CSMD3: variants seen among roughly 807,000 people sequenced by gnomAD.
CSMD3 encodes CUB and Sushi multiple domains 3.
Under a neutral mutation model 435.2 loss-of-function variants are expected in CSMD3, and 177 were observed. The ratio of observed to expected loss-of-function variants is 0.41; its 90% CI spans 0.36 to 0.46. The LOEUF is 0.46. Among genes scored for constraint, CSMD3 ranks in the 20% least tolerant of loss-of-function variants. The pLI is 0.34. For synonymous variants in CSMD3, 1,656 were observed against 1,520.5 expected (o/e 1.09, Z -2.07); for missense variants, 4,265 against 4,504.6 (o/e 0.95, Z 1.52).
intron 4 of CSMD3, among the ~76,000 whole-genome samples, chr8:113,110,237 T>C (rs1057443218): frequency 5.3e-5 from 8 of 152,204 alleles, no homozygotes; most frequent in Non-Finnish European, 1.2e-4. Flanking sequence ...ATATGGACAG[T>C]TATACAATTT....
At chr8:112,363,779 T>G (rs1483929257) in intron 38 of CSMD3, among the ~76,000 whole-genome samples, 3 of 152,034 alleles carry the variant, frequency 2.0e-5, no homozygotes, top group East Asian at 3.9e-4. Flanking sequence ...GGTTAAGAAG[T>G]GCAATGTGTT....
intron 1 of CSMD3, among the ~76,000 whole-genome samples, chr8:113,339,397 G>C (rs548778218): frequency 6.6e-6 from 1 of 151,990 alleles, no homozygotes; most frequent in Non-Finnish European, 1.5e-5. Flanking sequence ...CTGCCAAATG[G>C]ATGTTTTTGA....
At chr8:112,585,112 G>A (rs1482771042) in intron 23 of CSMD3, among the ~76,000 whole-genome samples, 1 of 151,496 alleles carries the variant, frequency 6.6e-6, no homozygotes, top group African/African-American at 2.4e-5. Flanking sequence ...CCATGAAGAA[G>A]ACAAATAAGG....
intron 52 of CSMD3, among the ~76,000 whole-genome samples, chr8:112,304,066 A>G (rs1261468167): frequency 1.3e-5 from 2 of 152,154 alleles, no homozygotes; most frequent in East Asian, 1.9e-4. Flanking sequence ...GGCCATTTAT[A>G]TTATAAAAAT....
intron 32 of CSMD3, among the ~76,000 whole-genome samples, chr8:112,462,539 C>T (rs548340948): frequency 3.3e-5 from 5 of 152,148 alleles, no homozygotes; most frequent in East Asian, 1.9e-4. Context: ...TGAATCTAAT[C>T]GATTATTTGA....
At position 113,205,478 on chromosome 8, in the gene CSMD3, T is replaced by C. The variant is rs542099490; in HGVS notation, c.515-31562A>G. 4.6e-5 allele frequency among the ~76,000 whole-genome samples: 7 copies of C among 152,252 alleles called. No individual in the cohort carries two copies. In the South Asian group the frequency reaches 1.2e-3, roughly 27 times the overall value. On this transcript the variant is annotated intron_variant, in intron 3 of 70. Transcript: ENST00000297405. The stretch of plus-strand genomic sequence containing the variant: ...ATACAGATTTGTAGACTAGGAGCAA[T>C]AGGCTATATCATACAGCCTAGGTGT...
chr8:112,879,760 C>G, intron 10 of CSMD3, among the ~76,000 whole-genome samples: 1 of 151,998 alleles, frequency 6.6e-6, no homozygotes, highest in Non-Finnish European at 1.5e-5. Flanking sequence ...TGCTGGTTCC[C>G]CTGAGAGCTG....
chr8:113,185,129 C>G (rs1483276426), intron 3 of CSMD3, among the ~76,000 whole-genome samples: 1 of 152,046 alleles, frequency 6.6e-6, no homozygotes, highest in East Asian at 1.9e-4. Context: ...AGGCTGCATT[C>G]ACTGTTAACT....
intron 9 of CSMD3, among the ~76,000 whole-genome samples, chr8:112,932,474 C>T (rs557595686): frequency 1.9e-4 from 29 of 152,110 alleles, no homozygotes; most frequent in Admixed American, 3.3e-4. Flanking sequence ...TCTCAGTCTC[C>T]TGACCTCATG....
chr8:112,656,594 T>C (rs975298000), intron 17 of CSMD3, among the ~76,000 whole-genome samples: 1 of 152,148 alleles, frequency 6.6e-6, no homozygotes, highest in Non-Finnish European at 1.5e-5. Context: ...TCAAATATTA[T>C]AAATTATCTT....
At position 112,636,980 on chromosome 8, in the gene CSMD3, A is replaced by T. The variant is rs2131582021; in HGVS notation, c.3552T>A (p.Asp1184Glu). 1 of 1,613,772 alleles carries T rather than the reference A, an allele frequency of 6.2e-7. No homozygotes were observed. Among genetic ancestry groups the T allele is most frequent in the Non-Finnish European group, 8.5e-7 (1 of 1,179,776 alleles). The change falls in exon 22 of 71, where the codon GAT becomes GAA. Residue 1184 changes from aspartate (D) to glutamate (E), a missense_variant. Physicochemically the swap from Asp to Glu is conservative, Grantham distance 45 (BLOSUM62 2). Coordinates refer to ENST00000297405, the MANE Select transcript of CSMD3 (RefSeq NM_198123.2). ...GACTACCATATTGAGGAATGCCAGG[A>T]TCTTCACAAGGTTCAAGGTTATATT... ...FSEYNLEPCE[D>E]PGIPQYGSRI...
chr8:112,552,388 A>C (rs1329781875), intron 26 of CSMD3, among the ~76,000 whole-genome samples: 2 of 152,028 alleles, frequency 1.3e-5, no homozygotes, highest in Non-Finnish European at 2.9e-5. Context: ...GGGGAGGCTG[A>C]GGTGGGAAGA....
At chr8:113,024,819 C>A (rs1278141516) in intron 5 of CSMD3, among the ~76,000 whole-genome samples, 1 of 152,084 alleles carries the variant, frequency 6.6e-6, no homozygotes, top group Non-Finnish European at 1.5e-5. Flanking sequence ...TTTAGTGTAT[C>A]CATCACTGGA....
intron 1 of CSMD3, among the ~76,000 whole-genome samples, chr8:113,388,192 C>G (rs901786633): frequency 2.0e-5 from 3 of 151,522 alleles, no homozygotes; most frequent in Admixed American, 1.3e-4. Flanking sequence ...ATCCCATAAT[C>G]AGATTTGTAT....
At chr8:112,318,631 T>A (rs753316928) in intron 47 of CSMD3, among the ~76,000 whole-genome samples, 3 of 152,046 alleles carry the variant, frequency 2.0e-5, no homozygotes, top group Non-Finnish European at 4.4e-5. Flanking sequence ...AAATTTACCC[T>A]TGAAAGAATC....
chr8:112,896,761 C>T (rs2081960981), intron 10 of CSMD3, among the ~76,000 whole-genome samples: 1 of 151,418 alleles, frequency 6.6e-6, no homozygotes, highest in South Asian at 2.1e-4. Flanking sequence ...TTCCATTCCT[C>T]ATACTACATC....
In CSMD3 at chr8:112,336,775, T is replaced by A. The variant is rs765598138; in HGVS notation, c.6896A>T (p.Tyr2299Phe). Residue 2299 changes from tyrosine (Y) to phenylalanine (F), a missense_variant, in exon 44 of 71, where the codon TAT becomes TTT. Transcript: ENST00000297405. ...AMNGTIYSPG[Y>F]PDEYPNFQDC... The stretch of plus-strand genomic sequence containing the variant: ...TTGAAAGTTTGGATATTCATCAGGA[T>A]ACCCAGGAGAATAAATGGTGCCATT... 1.3e-4 allele frequency: 202 copies of A among 1,613,432 alleles called. 4 individuals are homozygous for A. The South Asian group carries it at 2.1e-3, about 17-fold the overall frequency.
intron 10 of CSMD3, among the ~76,000 whole-genome samples, chr8:112,881,828 G>A (rs2081456462): frequency 6.6e-6 from 1 of 151,878 alleles, no homozygotes; most frequent in Non-Finnish European, 1.5e-5. Flanking sequence ...ACTACTGCTG[G>A]GAATTGGGTC....
intron 5 of CSMD3, among the ~76,000 whole-genome samples, chr8:113,022,609 T>TA (rs1157767215): frequency 6.6e-5 from 10 of 151,674 alleles, no homozygotes; most frequent in African/African-American, 2.2e-4. Flanking sequence ...CATTTCACCC[T>TA]AAAAATCTCC....
Sources: allele counts gnomAD v4.1 joint callset (sites outside exome capture counted in the v4.1 genomes callset), GRCh38; gene constraint gnomAD v4.1.1; transcripts MANE v1.5; gene names NCBI Gene and HGNC (gene_info 2026-07-23, HGNC 2026-07-21).